Variants in CDK14 observed in about 807,000 individuals in gnomAD.
CDK14 encodes cyclin dependent kinase 14.
Under a neutral mutation model 60.7 loss-of-function variants are expected in CDK14, and 34 were observed. The ratio of observed to expected loss-of-function variants is 0.56; its 90% CI spans 0.43 to 0.75. CDK14 has a LOEUF of 0.75. CDK14 is among the 30% of genes least tolerant of loss of function. The pLI is 0.00. For synonymous variants in CDK14, 197 were observed against 203.7 expected (o/e 0.97, Z 0.28); for missense variants, 482 against 564.1 (o/e 0.85, Z 1.47).
At chr7:90,841,891 T>C (rs1790308289) in intron 5 of CDK14, among the ~76,000 whole-genome samples, 1 of 152,178 alleles carries the variant, frequency 6.6e-6, no homozygotes, top group South Asian at 2.1e-4. Context: ...TTAATACAGG[T>C]ACCATCCTTA....
chr7:90,805,586 A>AT (rs1298738800), intron 5 of CDK14, among the ~76,000 whole-genome samples: 1 of 152,138 alleles, frequency 6.6e-6, no homozygotes, highest in African/African-American at 2.4e-5. Flanking sequence ...CATATTTAGA[A>AT]TTTTTGTACT....
intron 3 of CDK14, among the ~76,000 whole-genome samples, chr7:90,729,437 A>G (rs1363589753): frequency 9.3e-6 from 1 of 107,854 alleles, no homozygotes; most frequent in Non-Finnish European, 1.8e-5. Flanking sequence ...TTTTATTTCT[A>G]TCTCGTCTCT....
chr7:90,800,948 TTC>T (rs1490680453), intron 5 of CDK14, among the ~76,000 whole-genome samples: 4 of 152,192 alleles, frequency 2.6e-5, no homozygotes, highest in Non-Finnish European at 5.9e-5. Context: ...TCACATGGTC[TTC>T]TCTCTCTCTG....
At chr7:90,788,412 C>T (rs566226516) in intron 4 of CDK14, among the ~76,000 whole-genome samples, 166 of 152,226 alleles carry the variant, frequency 1.1e-3, no homozygotes, top group African/African-American at 3.7e-3. Context: ...TTTTTGCCTG[C>T]ATCTGGGTAC....
chr7:91,135,716 G>T (rs1282895962), intron 14 of CDK14, among the ~76,000 whole-genome samples: 3 of 152,096 alleles, frequency 2.0e-5, no homozygotes, highest in African/African-American at 7.2e-5. Flanking sequence ...AGGGTTGTTT[G>T]CACACTATTG....
chr7:90,679,050 A>G (rs1801261017), intron 2 of CDK14, among the ~76,000 whole-genome samples: 1 of 152,152 alleles, frequency 6.6e-6, no homozygotes, highest in African/African-American at 2.4e-5. Flanking sequence ...CCCAGGCTCA[A>G]GCAATCCTCC....
chr7:90,638,527 TG>T (rs1563025280), intron 2 of CDK14, among the ~76,000 whole-genome samples: 2 of 152,236 alleles, frequency 1.3e-5, no homozygotes, highest in East Asian at 1.9e-4. Flanking sequence ...CTTCCCTTTG[TG>T]GGTAACCTGA....
intron 11 of CDK14, among the ~76,000 whole-genome samples, chr7:91,056,233 G>A (rs1476762335): frequency 6.6e-6 from 1 of 152,092 alleles, no homozygotes. Flanking sequence ...AGCTTGCACA[G>A]CTGTCCAGTT....
intron 2 of CDK14, among the ~76,000 whole-genome samples, chr7:90,656,561 G>T (rs1398918434): frequency 3.9e-5 from 6 of 151,966 alleles, no homozygotes; most frequent in African/African-American, 1.5e-4. Flanking sequence ...TTTATTTTTA[G>T]TAGAGATGGA....
rs556690297 is a variant in CDK14 at position 90,974,526 on chromosome 7, C to T, written c.948-9622C>T. ...CCCTCTGTTCTGGGTCTCTGACTTC[C>T]CGAAACAAACTTTTGCCTTGAGAAT... is the stretch of plus-strand genomic sequence containing the variant. On this transcript the variant is annotated intron_variant, in intron 9 of 14. Coordinates refer to ENST00000380050, the MANE Select transcript of CDK14 (RefSeq NM_001287135.2). Among the ~76,000 whole-genome samples the T allele has an allele frequency of 2.5e-4, 38 of 152,216 alleles. 1 individual carries two copies. The South Asian group carries it at 7.7e-3, about 31-fold the overall frequency.
At chr7:90,979,468 CT>C (rs538743917) in intron 9 of CDK14, 6 of 152,336 alleles carry the variant, frequency 3.9e-5, no homozygotes, top group African/African-American at 1.4e-4. Flanking sequence ...TAACCCTACA[CT>C]CTGAGGTAAG....
intron 14 of CDK14, among the ~76,000 whole-genome samples, chr7:91,205,480 G>A (rs114341213): frequency 0.017 from 2,558 of 152,264 alleles, 25 homozygotes; most frequent in African/African-American, 0.032. Flanking sequence ...ATCTAGAACA[G>A]GTAAATCCAT....
At chr7:90,951,629 A>T (rs899322055) in intron 8 of CDK14, among the ~76,000 whole-genome samples, 16 of 152,238 alleles carry the variant, frequency 1.1e-4, no homozygotes, top group African/African-American at 3.6e-4. Context: ...CCACCTACAA[A>T]AAAAAGGATG....
intron 2 of CDK14, chr7:90,709,899 C>T: frequency 8.0e-7 from 1 of 1,256,882 alleles, no homozygotes; most frequent in Non-Finnish European, 1.0e-6. Context: ...AAACACATTG[C>T]TAGAGACATG....
chr7:91,206,718 A>G (rs1370684560), intron 14 of CDK14, among the ~76,000 whole-genome samples: 1 of 152,224 alleles, frequency 6.6e-6, no homozygotes, highest in Non-Finnish European at 1.5e-5. Context: ...AAGGAATTAT[A>G]TACAGCTGAA....
intron 10 of CDK14, among the ~76,000 whole-genome samples, chr7:91,027,778 TCCC>T (rs1562873970): frequency 4.1e-4 from 2 of 4,886 alleles, no homozygotes; most frequent in African/African-American, 1.1e-3. Context: ...TCCCCTCCCC[TCCC>T]CTCCCCTCCC....
chr7:90,718,464 A>G lies in CDK14; in HGVS notation c.124-8103A>G, dbSNP rs188262230. Among the ~76,000 whole-genome samples, 3 of 152,220 alleles carry G rather than the reference A, an allele frequency of 2.0e-5. No homozygotes were observed. The East Asian group carries it at 5.8e-4, about 29-fold the overall frequency. ...TTCATAGTAGAACATTAGAGCTAAAACAGATCTGTATCATTTTACAGATGA... is the reference window on the plus strand; with the variant it reads ...TTCATAGTAGAACATTAGAGCTAAAGCAGATCTGTATCATTTTACAGATGA... On this transcript the variant is annotated intron_variant, in intron 2 of 14. Coordinates refer to ENST00000380050, the MANE Select transcript of CDK14 (RefSeq NM_001287135.2).
At chr7:91,066,363 C>T (rs1797980956) in intron 11 of CDK14, among the ~76,000 whole-genome samples, 1 of 152,122 alleles carries the variant, frequency 6.6e-6, no homozygotes, top group African/African-American at 2.4e-5. Flanking sequence ...CTCACTCCCA[C>T]TCCTCCCAAA....
intron 2 of CDK14, among the ~76,000 whole-genome samples, chr7:90,619,603 G>A (rs927253681): frequency 7.2e-5 from 11 of 152,182 alleles, no homozygotes; most frequent in African/African-American, 1.9e-4. Flanking sequence ...ACATTGTATC[G>A]TAATTTCTGT....
Sources: allele counts gnomAD v4.1 joint callset (sites outside exome capture counted in the v4.1 genomes callset), GRCh38; gene constraint gnomAD v4.1.1; transcripts MANE v1.5; gene names NCBI Gene and HGNC (gene_info 2026-07-23, HGNC 2026-07-21).